QPCT: variants seen among roughly 807,000 people sequenced by gnomAD.
QPCT encodes glutaminyl-peptide cyclotransferase, also known as EC.
In QPCT, 44 loss-of-function variants were observed where a neutral mutation model predicts 43.4. That is an observed-to-expected ratio of 1.01 (90% CI 0.80 to 1.30). The LOEUF (loss-of-function observed/expected upper bound fraction) is 1.30, where lower values mean the gene tolerates loss of function less well. Ranked by LOEUF, QPCT falls within the 50% of genes most tolerant of loss-of-function variation. The pLI, the probability that QPCT is intolerant of heterozygous loss-of-function variation, is 0.00. For missense variants in QPCT, 526 were observed against 436.5 expected, an observed-to-expected ratio of 1.21 and a Z score of -1.83; for synonymous variants, 168 against 168.4, an observed-to-expected ratio of 1.00 and a Z score of 0.02.
At chr2:37,350,475 C>T (rs1158029704) in intron 1 of QPCT, among the ~76,000 whole-genome samples, 2 of 152,158 alleles carry the variant, frequency 1.3e-5, no homozygotes, top group Admixed American at 6.5e-5. Flanking sequence ...ACAAGTTTAT[C>T]AAGGAAATAT....
At chr2:37,368,648 C>G (rs979386003) in intron 4 of QPCT, 2 of 471,134 alleles carry the variant, frequency 4.2e-6, no homozygotes, top group Non-Finnish European at 8.8e-6. Context: ...CCTAATGGGC[C>G]AGGGGAATGT....
intron 1 of QPCT, among the ~76,000 whole-genome samples, chr2:37,347,207 CATATAT>C (rs1431421912): frequency 1.4e-4 from 4 of 28,986 alleles, no homozygotes; most frequent in African/African-American, 7.0e-4. Context: ...ATATATATAA[CATATAT>C]ATAACATATA....
chr2:37,349,288 C>G (rs1672570564), intron 1 of QPCT, among the ~76,000 whole-genome samples: 1 of 152,150 alleles, frequency 6.6e-6, no homozygotes. Flanking sequence ...ACATGTAAGT[C>G]TCTAGATTCA....
chr2:37,345,420 C>A (rs72864832), intron 1 of QPCT, among the ~76,000 whole-genome samples: 3,266 of 152,296 alleles, frequency 0.021, 140 homozygotes, highest in African/African-American at 0.075. Context: ...ACTTCAAAAG[C>A]CTTTTTCCTC....
chr2:37,347,235 T>TATATAACATATATATATAAC (rs1488145943), intron 1 of QPCT, among the ~76,000 whole-genome samples: 21 of 85,708 alleles, frequency 2.5e-4, no homozygotes, highest in East Asian at 1.9e-3. Context: ...ATATAACATA[T>TATATAACATATATATATAAC]ATATATATAT....
At position 37,360,089 on chromosome 2, in the gene QPCT, T is replaced by C. The variant is rs535295350; in HGVS notation, c.546+231T>C. ...TAATTGGCACCTGATTTATCAGCCTTGAATGCACATTAAATTAAATGCAAC... is the reference window on the plus strand; with the variant it reads ...TAATTGGCACCTGATTTATCAGCCTCGAATGCACATTAAATTAAATGCAAC... On this transcript the variant is annotated intron_variant, in intron 3 of 6. Transcript: ENST00000338415. The C allele has an allele frequency of 3.1e-4, 165 of 528,164 alleles. 1 individual carries two copies. The highest frequency in any genetic ancestry group is 2.8e-3 in the African/African-American group (149 of 52,358). The allele number at this position is 528,164 out of a possible 1,614,324, so 32.7% of individuals were successfully genotyped here.
chr2:37,358,296 G>C (rs1375495215), intron 2 of QPCT, among the ~76,000 whole-genome samples: 1 of 152,090 alleles, frequency 6.6e-6, no homozygotes, highest in African/African-American at 2.4e-5. Flanking sequence ...AGTTAGTCAG[G>C]CATGGTGGCA....
intron 2 of QPCT, among the ~76,000 whole-genome samples, chr2:37,358,118 A>G (rs1168800001): frequency 6.9e-6 from 1 of 145,410 alleles, no homozygotes; most frequent in Admixed American, 6.6e-5. Context: ...GAAAAAAAAA[A>G]AAAAAAGAAA....
At position 37,373,128 on chromosome 2, in the gene QPCT, A is replaced by T. The variant is rs147500036; in HGVS notation, c.*301A>T. ...AACACGATGAGGCAAAATCAGGTTC[A>T]TTCATTCAACGATAGTTTCTCAACA... On this transcript the variant is annotated 3_prime_UTR_variant, in exon 7 of 7. Transcript: ENST00000338415. 5.0e-6 allele frequency: 1 copy of T among 198,406 alleles called. No homozygotes were observed. Among genetic ancestry groups the T allele is most frequent in the African/African-American group, 2.3e-5 (1 of 43,088 alleles). The allele number at this position is 198,406 out of a possible 1,614,324, so 12.3% of individuals were successfully genotyped here.
At chr2:37,347,331 G>C (rs945132094) in intron 1 of QPCT, among the ~76,000 whole-genome samples, 4 of 147,808 alleles carry the variant, frequency 2.7e-5, no homozygotes, top group Non-Finnish European at 3.0e-5. Context: ...TTATGGTTGA[G>C]GAAACTTGAC....
At chr2:37,346,245 G>T (rs1255071466) in intron 1 of QPCT, among the ~76,000 whole-genome samples, 2 of 152,208 alleles carry the variant, frequency 1.3e-5, no homozygotes, top group Non-Finnish European at 1.5e-5. Context: ...CAGGGAACCT[G>T]GTGGTAGTGA....
chr2:37,355,921 C>G (rs1369540031), intron 2 of QPCT, among the ~76,000 whole-genome samples: 1 of 152,036 alleles, frequency 6.6e-6, no homozygotes, highest in Non-Finnish European at 1.5e-5. Flanking sequence ...TACATAGATC[C>G]CAGGTGCACC....
rs1673120458 is a variant in QPCT, at chr2:37,373,303, A to G, written c.*476A>G. On this transcript the variant is annotated 3_prime_UTR_variant, in exon 7 of 7. Coordinates refer to ENST00000338415, the MANE Select transcript of QPCT (RefSeq NM_012413.4). ...TTGTAGAGTTAATTTTATGGAAATTAAAATCAGAATTAAATGCTATGTTGT... is the reference window on the plus strand; with the variant it reads ...TTGTAGAGTTAATTTTATGGAAATTGAAATCAGAATTAAATGCTATGTTGT... The G allele has an allele frequency of 6.6e-6, 1 of 152,280 alleles. No individual in the cohort carries two copies. Among genetic ancestry groups the G allele is most frequent in the African/African-American group, 2.4e-5 (1 of 41,462 alleles). The allele number at this position is 152,280 out of a possible 1,614,324, so 9.4% of individuals were successfully genotyped here. A position where few individuals can be genotyped will look rare whatever the true frequency, so the allele number is the denominator to read the frequency against.
intron 1 of QPCT, among the ~76,000 whole-genome samples, chr2:37,350,777 T>C (rs1672604237): frequency 6.6e-6 from 1 of 152,246 alleles, no homozygotes; most frequent in Non-Finnish European, 1.5e-5. Flanking sequence ...ATTCATTCTA[T>C]GGCTCTTTAG....
intron 1 of QPCT, among the ~76,000 whole-genome samples, chr2:37,350,766 A>AATTC (rs1407846979): frequency 6.6e-6 from 1 of 152,232 alleles, no homozygotes; most frequent in Non-Finnish European, 1.5e-5. Flanking sequence ...CCAACTTTAA[A>AATTC]ATTCATTCTA....
At chr2:37,353,616 G>A (rs561853828) in intron 2 of QPCT, among the ~76,000 whole-genome samples, 1 of 152,188 alleles carries the variant, frequency 6.6e-6, no homozygotes, top group African/African-American at 2.4e-5. Context: ...TTTTACCACT[G>A]TTGTGGAGGG....
chr2:37,347,153 T>TATATATATATATATATC (rs1411776943), intron 1 of QPCT, among the ~76,000 whole-genome samples: 1 of 57,108 alleles, frequency 1.8e-5, no homozygotes, highest in African/African-American at 9.1e-5. Context: ...TTTATATATA[T>TATATATATATATATATC]ATATATATAT....
At chr2:37,357,314 A>AT (rs1366731161) in intron 2 of QPCT, among the ~76,000 whole-genome samples, 20 of 142,426 alleles carry the variant, frequency 1.4e-4, no homozygotes, top group African/African-American at 5.7e-4. Context: ...CATTTTGTGG[A>AT]ATTTTTTTTT....
intron 3 of QPCT, among the ~76,000 whole-genome samples, chr2:37,361,270 G>T (rs1225043253): frequency 6.6e-6 from 1 of 152,140 alleles, no homozygotes; most frequent in Non-Finnish European, 1.5e-5. Flanking sequence ...CATGGATTGG[G>T]TAGACGGTGG....
Sources: allele counts gnomAD v4.1 joint callset (sites outside exome capture counted in the v4.1 genomes callset), GRCh38; gene constraint gnomAD v4.1.1; transcripts MANE v1.5; gene names NCBI Gene and HGNC (gene_info 2026-07-23, HGNC 2026-07-21).